DNAH10: variants seen among roughly 807,000 people sequenced by gnomAD.
The protein encoded by DNAH10 is dynein axonemal heavy chain 10, also known as axonemal beta dynein heavy chain 10.
A neutral mutation model predicts 506.6 loss-of-function variants in DNAH10; 348 were observed. The observed-to-expected ratio is 0.69, with a 90% CI of 0.63 to 0.75. The LOEUF (loss-of-function observed/expected upper bound fraction) is 0.75. Ranked by LOEUF, DNAH10 falls within the 30% of genes least tolerant of loss-of-function variation. The pLI is 0.00. For synonymous variants in DNAH10, 2,059 were observed against 2,198.6 expected (o/e 0.94, Z 1.78); for missense variants, 5,179 against 5,787.1 (o/e 0.89, Z 3.41).
intron 5 of DNAH10, among the ~76,000 whole-genome samples, chr12:123,776,651 G>T (rs550945580): frequency 2.1e-3 from 316 of 147,666 alleles, no homozygotes; most frequent in Non-Finnish European, 4.0e-3. Context: ...AAAAAAAAAA[G>T]AAAAATAAAT....
At chr12:123,934,598 C>T (rs201574840) in intron 77 of DNAH10, 23 bp from the exon 78 acceptor site, 108 of 1,612,176 alleles carry the variant, frequency 6.7e-5, no homozygotes, top group Non-Finnish European at 8.8e-5. Context: ...CAGTTGTATC[C>T]AGTCTCTGCC....
chr12:123,896,174 G>C (rs1328506561), intron 54 of DNAH10, among the ~76,000 whole-genome samples: 1 of 151,178 alleles, frequency 6.6e-6, no homozygotes, highest in Non-Finnish European at 1.5e-5. Flanking sequence ...GAGAGAGAGA[G>C]AGAGAGAGAG....
At position 123,785,160 on chromosome 12, in the gene DNAH10, G is replaced by T. The variant is rs1053763463; in HGVS notation, c.1231-586G>T. 6.6e-6 allele frequency among the ~76,000 whole-genome samples: 1 copy of T among 152,156 alleles called. No individual in the cohort carries two copies. Among genetic ancestry groups the T allele is most frequent in the African/African-American group, 2.4e-5 (1 of 41,436 alleles). On this transcript the variant is annotated intron_variant, in intron 8 of 78. Transcript: ENST00000673944. This position sits in a 1 kb window ranked among gnomAD's most constrained non-coding sequence, Gnocchi z 4.1. ...TGTTTAACCTCTTGAGGAATTTCTA[G>T]ACTGTTTTCCAAAGTGGTTGTCCCA...
chr12:123,841,335 T>C lies in DNAH10; in HGVS notation c.5150T>C (p.Ile1717Thr), dbSNP rs1950767588. ...QEHMIKMYDN[I>T]ASLRFNDGDS... Reference sequence around the variant, plus strand: ...CCCTGTTTGCAGATGTACGACAACATAGCATCACTGAGGTTTAATGACGGC... The same window carrying C: ...CCCTGTTTGCAGATGTACGACAACACAGCATCACTGAGGTTTAATGACGGC... The change falls in exon 30 of 79, where the codon ATA (isoleucine) becomes ACA (threonine). Residue 1717 changes from isoleucine (I) to threonine (T), a missense_variant. Coordinates refer to ENST00000673944, the MANE Select transcript of DNAH10 (RefSeq NM_001372106.1). 9.9e-6 allele frequency: 16 copies of C among 1,613,960 alleles called. No individual in the cohort carries two copies. The highest frequency in any genetic ancestry group is 1.4e-5 in the Non-Finnish European group (16 of 1,179,886).
At position 123,934,379 on chromosome 12, in the gene DNAH10, C is replaced by T. The variant is rs554822336; in HGVS notation, c.13478-242C>T. On this transcript the variant is annotated intron_variant, in intron 77 of 78. Transcript: ENST00000673944. ...TGAGGATTCCTGGGGGAGAGGCCAC[C>T]GCCCCACACCCATTTCTCTGGGCCA... 39 of 653,782 alleles carry T rather than the reference C, an allele frequency of 6.0e-5. 1 individual carries two copies. Among genetic ancestry groups the T allele is most frequent in the South Asian group, 2.9e-4 (17 of 58,676 alleles). 40.5% of individuals were successfully genotyped at this position (653,782 alleles called of 1,614,324 possible).
At position 123,853,822 on chromosome 12, in the gene DNAH10, G is replaced by A. The variant is rs552676607; in HGVS notation, c.6438+470G>A. ...TGTACTCAATGTTGCACGCACACACGCACGCACACACACGCACACGCACGG... is the reference window on the plus strand; with the variant it reads ...TGTACTCAATGTTGCACGCACACACACACGCACACACACGCACACGCACGG... On this transcript the variant is annotated intron_variant, in intron 36 of 78. Coordinates refer to ENST00000673944, the MANE Select transcript of DNAH10 (RefSeq NM_001372106.1). The surrounding 1 kb of genome is among the most constrained non-coding windows in gnomAD (Gnocchi z 4.7). Among the ~76,000 whole-genome samples, 32 of 150,778 alleles carry A rather than the reference G, an allele frequency of 2.1e-4. No individual in the cohort carries two copies. The South Asian group carries it at 2.9e-3, about 14-fold the overall frequency.
chr12:123,766,449 C>G (rs1379909277), intron 1 of DNAH10, among the ~76,000 whole-genome samples: 1 of 152,062 alleles, frequency 6.6e-6, no homozygotes, highest in East Asian at 1.9e-4. Flanking sequence ...TGTGACTTCT[C>G]CCCCCACCAC....
At position 123,784,988 on chromosome 12, in the gene DNAH10, C is replaced by T. The variant is rs532552534; in HGVS notation, c.1231-758C>T. Among the ~76,000 whole-genome samples, 8 of 152,296 alleles carry T rather than the reference C, an allele frequency of 5.3e-5. No homozygotes were observed. The East Asian group carries it at 7.7e-4, about 15-fold the overall frequency. ...ACATTTGGTTTCTCTATTCATCAGT[C>T]GGTGGGCATTTGAGTTGTTTCTGCA... On this transcript the variant is annotated intron_variant, in intron 8 of 78. Coordinates refer to ENST00000673944, the MANE Select transcript of DNAH10 (RefSeq NM_001372106.1).
chr12:123,924,488 A>G, intron 67 of DNAH10, 56 bp downstream of exon 67: 1 of 1,589,876 alleles, frequency 6.3e-7, no homozygotes. Context: ...ACAATCTCCA[A>G]ACCTCAACTG....
chr12:123,898,798 C>G lies in DNAH10; in HGVS notation c.9624C>G (p.Ala3208=). 6.2e-7 allele frequency: 1 copy of G among 1,610,760 alleles called. No homozygotes were observed. Among genetic ancestry groups the G allele is most frequent in the Non-Finnish European group, 8.5e-7 (1 of 1,178,442 alleles). The part of the protein sequence containing the change: ...AACEALLEEI[A]VNTAVAEEKK... ...GCGAGGCCTTGCTGGAGGAGATCGC[C>G]GTCAACACCGCTGTAGGTGAGTGAG... Residue 3208 remains alanine (A), a synonymous_variant, in exon 56 of 79, where the codon GCC becomes GCG. Transcript: ENST00000673944.
At chr12:123,921,775 G>A (rs181566460) in intron 65 of DNAH10, among the ~76,000 whole-genome samples, 1,448 of 128,482 alleles carry the variant, frequency 0.011, 12 homozygotes, top group Non-Finnish European at 0.017. Context: ...GTGCAGTGGT[G>A]CGATCTTAGC....
At position 123,928,372 on chromosome 12, in the gene DNAH10, T is replaced by C; in HGVS notation, c.12106-15T>C. ...GGATGCCAACCCCTCTCCTCTTCCC[T>C]CTCCCCCGGCGCAGGTGGCCCTGCA... On this transcript the variant is annotated splice_polypyrimidine_tract_variant and intron_variant, in intron 69 of 78. Transcript: ENST00000673944. The surrounding 1 kb of genome is among the most constrained non-coding windows in gnomAD (Gnocchi z 4.9). 1 of 1,572,632 alleles carries C rather than the reference T, an allele frequency of 6.4e-7. No individual in the cohort carries two copies. The highest frequency in any genetic ancestry group is 8.6e-7 in the Non-Finnish European group (1 of 1,159,556).
chr12:123,917,582 A>C lies in DNAH10; in HGVS notation c.11003-2A>C. On this transcript the variant is annotated splice_acceptor_variant, in intron 63 of 78. Coordinates refer to ENST00000673944, the MANE Select transcript of DNAH10 (RefSeq NM_001372106.1). LOFTEE classifies it high-confidence loss of function. The surrounding 1 kb of genome is among the most constrained non-coding windows in gnomAD (Gnocchi z 5.6). Reference sequence around the variant, plus strand: ...GTGAGGGCCTCTCACTGTCCCCCACAGTCACGCTGAAGGGCCTGGAGGACC... The same window carrying C: ...GTGAGGGCCTCTCACTGTCCCCCACCGTCACGCTGAAGGGCCTGGAGGACC... 1 of 1,551,098 alleles carries C rather than the reference A, an allele frequency of 6.4e-7. No homozygotes were observed. Among genetic ancestry groups the C allele is most frequent in the Non-Finnish European group, 8.7e-7 (1 of 1,146,976 alleles).
intron 1 of DNAH10, among the ~76,000 whole-genome samples, chr12:123,764,587 G>T (rs1325521067): frequency 2.6e-5 from 4 of 152,142 alleles, no homozygotes; most frequent in African/African-American, 9.7e-5. Flanking sequence ...GGTGGCTGTT[G>T]TCTGCTGTGT....
At chr12:123,865,767 G>C (rs1951780264) in intron 40 of DNAH10, among the ~76,000 whole-genome samples, 184 bp from the exon 41 acceptor site, 1 of 152,176 alleles carries the variant, frequency 6.6e-6, no homozygotes, top group South Asian at 2.1e-4. Flanking sequence ...TGTTACATCA[G>C]AAGTGTGTAA....
intron 64 of DNAH10, among the ~76,000 whole-genome samples, chr12:123,918,444 C>T (rs1000166185): frequency 2.6e-5 from 4 of 152,218 alleles, no homozygotes; most frequent in Admixed American, 6.5e-5. Context: ...AGGGCAGTAC[C>T]GGAGACTTAC....
chr12:123,762,593 G>T lies in DNAH10; in HGVS notation c.214+43G>T. 3 of 1,510,760 alleles carry T rather than the reference G, an allele frequency of 2.0e-6. No homozygotes were observed. The highest frequency in any genetic ancestry group is 8.9e-7 in the Non-Finnish European group (1 of 1,129,160). 93.6% of individuals were successfully genotyped at this position (1,510,760 alleles called of 1,614,324 possible). Reference sequence around the variant, plus strand: ...GCTCCCTTCCCCGGGCTTCCCTCCTGCCCGTCCCGGCCTCTCCGGCGGGCG... The same window carrying T: ...GCTCCCTTCCCCGGGCTTCCCTCCTTCCCGTCCCGGCCTCTCCGGCGGGCG... On this transcript the variant is annotated intron_variant, in intron 1 of 78. Transcript: ENST00000673944. This position sits in a 1 kb window ranked among gnomAD's most constrained non-coding sequence, Gnocchi z 5.0.
chr12:123,841,227 C>A, intron 29 of DNAH10, 95 bp from the exon 30 acceptor site: 1 of 1,321,426 alleles, frequency 7.6e-7, no homozygotes, highest in Non-Finnish European at 1.1e-6. Context: ...CCATTGCTTG[C>A]ATCGTGGCAG....
In DNAH10 at chr12:123,784,181, TG is replaced by T; in HGVS notation, c.1230+5del. On this transcript the variant is annotated splice_donor_5th_base_variant and intron_variant, in intron 8 of 78. Coordinates refer to ENST00000673944, the MANE Select transcript of DNAH10 (RefSeq NM_001372106.1). The stretch of plus-strand genomic sequence containing the variant: ...CACCGTGGAGCGTTATTTCAAGGTA[TG>T]CTGGGTGTGCTGCACTTTGCAGTCA... 1.9e-6 allele frequency: 3 copies of T among 1,610,988 alleles called. No individual in the cohort carries two copies. Among genetic ancestry groups the T allele is most frequent in the Non-Finnish European group, 2.5e-6 (3 of 1,177,108 alleles).
Sources: allele counts gnomAD v4.1 joint callset (sites outside exome capture counted in the v4.1 genomes callset), GRCh38; gene constraint gnomAD v4.1.1; non-coding constraint Gnocchi (gnomAD v3.1); transcripts MANE v1.5; gene names NCBI Gene and HGNC (gene_info 2026-07-23, HGNC 2026-07-21).